Variants in SIPA1L1 observed in about 807,000 individuals in gnomAD.
The protein encoded by SIPA1L1 is signal induced proliferation associated 1 like 1, also known as signal-induced proliferation-associated 1-like protein 1.
SIPA1L1 carries 26 observed loss-of-function variants against 162.7 expected under a neutral mutation model. That is an observed-to-expected ratio of 0.16 (90% CI 0.12 to 0.22). The LOEUF (loss-of-function observed/expected upper bound fraction) is 0.22, where lower values mean the gene tolerates loss of function less well. Ranked by LOEUF, SIPA1L1 falls within the 10% of genes least tolerant of loss-of-function variation. The pLI, the probability that SIPA1L1 is intolerant of heterozygous loss-of-function variation, is 1.00. For missense variants in SIPA1L1, 1,874 were observed against 2,241.0 expected (o/e 0.84, Z 3.31); for synonymous variants, 829 against 837.4 (o/e 0.99, Z 0.17).
At chr14:71,464,673 AAC>A (rs1411402210) in intron 2 of SIPA1L1, among the ~76,000 whole-genome samples, 3 of 151,956 alleles carry the variant, frequency 2.0e-5, no homozygotes, top group African/African-American at 4.8e-5. Flanking sequence ...AAAAAAAACA[AAC>A]AGAGTCCCTA....
At chr14:71,485,414 C>T (rs563876614) in intron 2 of SIPA1L1, among the ~76,000 whole-genome samples, 23 of 152,274 alleles carry the variant, frequency 1.5e-4, no homozygotes, top group African/African-American at 4.1e-4. Flanking sequence ...TGCCCATTAC[C>T]ACCTGAGCTC....
At chr14:71,464,642 A>AAAAAC (rs143695589) in intron 2 of SIPA1L1, among the ~76,000 whole-genome samples, 13 of 152,046 alleles carry the variant, frequency 8.6e-5, no homozygotes, top group Middle Eastern at 3.4e-3. Flanking sequence ...CTCCATCTCA[A>AAAAAC]AAAACAAAAC....
Position 71,589,369 on chromosome 14 carries a change from G to C in SIPA1L1, c.1497G>C (p.Lys499Asn). The change falls in exon 5 of 24, where the codon AAG becomes AAC. Residue 499 changes from lysine (K) to asparagine (N), a missense_variant and splice_region_variant. By Grantham distance (94) the Lys-to-Asn change is moderately conservative. Transcript: ENST00000381232. ...ATTATAGAAAATTTTTCTACCAGAA[G>C]GGTAAGTAGAGATCCTTTATTTCTT... The part of the protein sequence containing the change: ...AYYYRKFFYQ[K>N]EHWNYFGADE... The C allele has an allele frequency of 1.3e-6, 2 of 1,589,334 alleles. No individual in the cohort carries two copies. The highest frequency in any genetic ancestry group is 8.6e-7 in the Non-Finnish European group (1 of 1,161,008).
intron 2 of SIPA1L1, among the ~76,000 whole-genome samples, chr14:71,386,646 C>T (rs1199421081): frequency 6.6e-6 from 1 of 152,178 alleles, no homozygotes; most frequent in Non-Finnish European, 1.5e-5. Context: ...GGTAACATTT[C>T]AAAGATGAAT....
chr14:71,345,144 C>A (rs528675384), intron 2 of SIPA1L1, among the ~76,000 whole-genome samples: 1 of 152,218 alleles, frequency 6.6e-6, no homozygotes, highest in Non-Finnish European at 1.5e-5. Context: ...GGGTATTTTC[C>A]TGGCGTAGTT....
intron 5 of SIPA1L1, among the ~76,000 whole-genome samples, chr14:71,602,285 C>A (rs917473547): frequency 6.6e-6 from 1 of 152,034 alleles, no homozygotes; most frequent in South Asian, 2.1e-4. Flanking sequence ...CAAGAAATTT[C>A]TTCATTTTCT....
At chr14:71,494,827 A>G (rs2049599686) in intron 2 of SIPA1L1, among the ~76,000 whole-genome samples, 1 of 152,064 alleles carries the variant, frequency 6.6e-6, no homozygotes, top group Non-Finnish European at 1.5e-5. Flanking sequence ...TTTAGTAGAG[A>G]CAGGGTTTCA....
At chr14:71,321,010 C>G (rs970761246) in intron 1 of SIPA1L1, 112 bp from the exon 2 acceptor site, 1 of 152,214 alleles carries the variant, frequency 6.6e-6, no homozygotes, top group South Asian at 2.1e-4. Flanking sequence ...TCCCTCGGGC[C>G]CCCCTCCGCT....
intron 4 of SIPA1L1, among the ~76,000 whole-genome samples, chr14:71,578,824 T>A (rs1253880965): frequency 6.6e-6 from 1 of 152,214 alleles, no homozygotes; most frequent in African/African-American, 2.4e-5. Flanking sequence ...GGGAGCACTT[T>A]TACCATCACT....
intron 7 of SIPA1L1, among the ~76,000 whole-genome samples, chr14:71,634,835 C>T (rs2040962209): frequency 6.6e-6 from 1 of 151,730 alleles, no homozygotes; most frequent in South Asian, 2.1e-4. Context: ...ACTCAGGAGG[C>T]TGAGGCAGGA....
chr14:71,532,577 A>G (rs898505617), intron 4 of SIPA1L1, among the ~76,000 whole-genome samples: 16 of 152,240 alleles, frequency 1.1e-4, no homozygotes, highest in Non-Finnish European at 2.2e-4. Flanking sequence ...AGCACTGGCC[A>G]TAGACCATTT....
chr14:71,529,735 A>G (rs746939380), intron 4 of SIPA1L1, among the ~76,000 whole-genome samples: 1 of 152,296 alleles, frequency 6.6e-6, no homozygotes, highest in Admixed American at 6.5e-5. Flanking sequence ...TGCCTTGTCC[A>G]TGATTGACTC....
intron 22 of SIPA1L1, among the ~76,000 whole-genome samples, chr14:71,735,802 T>A (rs549892584): frequency 1.2e-4 from 18 of 152,282 alleles, no homozygotes; most frequent in African/African-American, 3.9e-4. Flanking sequence ...GCTCCCAGTG[T>A]GCTGCTTCAC....
chr14:71,407,885 G>A (rs539905080), intron 2 of SIPA1L1, among the ~76,000 whole-genome samples: 1 of 152,194 alleles, frequency 6.6e-6, no homozygotes, highest in South Asian at 2.1e-4. Context: ...TTGTTTTTTT[G>A]TAGGCGAAGC....
intron 2 of SIPA1L1, among the ~76,000 whole-genome samples, chr14:71,440,469 A>G (rs1329074653): frequency 6.6e-6 from 1 of 151,814 alleles, no homozygotes; most frequent in African/African-American, 2.4e-5. Context: ...TCTGGGCAAC[A>G]TGGTGTTACC....
At chr14:71,571,364 A>G (rs2031973134) in intron 4 of SIPA1L1, among the ~76,000 whole-genome samples, 1 of 152,106 alleles carries the variant, frequency 6.6e-6, no homozygotes, top group African/African-American at 2.4e-5. Flanking sequence ...AGAGTAATAA[A>G]ATAAAATTTT....
Position 71,661,324 on chromosome 14 carries a change from G to A in SIPA1L1, c.2112G>A (p.Arg704=). 6.2e-7 allele frequency: 1 copy of A among 1,613,164 alleles called. No homozygotes were observed. Among genetic ancestry groups the A allele is most frequent in the Non-Finnish European group, 8.5e-7 (1 of 1,179,490 alleles). The change falls in exon 10 of 24, where the codon CGG becomes CGA. Residue 704 remains arginine, a synonymous_variant. Coordinates refer to ENST00000381232, the MANE Select transcript of SIPA1L1 (RefSeq NM_001386936.1). ...TTTTCTTGTAGCTCCTGAGGAAGCG[G>A]CACATTGGAAATGATATCGTAACAA... ...PNNKQQLLRK[R]HIGNDIVTIV...
rs528686461 is a variant in SIPA1L1 at position 71,399,813 on chromosome 14, C to T, written c.-465+78632C>T. On this transcript the variant is annotated intron_variant, in intron 2 of 23. Transcript: ENST00000381232. ...CTCGACTCACTGCAACCCCACCTCT[C>T]GGGTTCAAGCGATTCTCCTGCCTCA... Among the ~76,000 whole-genome samples the T allele has an allele frequency of 1.2e-4, 18 of 152,026 alleles. No homozygotes were observed. The South Asian group carries it at 2.5e-3, about 21-fold the overall frequency.
chr14:71,620,044 G>C (rs2039260330), intron 6 of SIPA1L1, among the ~76,000 whole-genome samples: 1 of 152,122 alleles, frequency 6.6e-6, no homozygotes, highest in Non-Finnish European at 1.5e-5. Flanking sequence ...CTCCTCTCTA[G>C]CTTCCCAGAT....
Sources: allele counts gnomAD v4.1 joint callset (sites outside exome capture counted in the v4.1 genomes callset), GRCh38; gene constraint gnomAD v4.1.1; transcripts MANE v1.5; gene names NCBI Gene and HGNC (gene_info 2026-07-23, HGNC 2026-07-21).